ELMO1: variants seen among roughly 807,000 people sequenced by gnomAD.
ELMO1 encodes engulfment and cell motility protein 1.
A neutral mutation model predicts 98.9 loss-of-function variants in ELMO1; 26 were observed. The ratio of observed to expected loss-of-function variants is 0.26; its 90% CI spans 0.19 to 0.36. ELMO1 has a LOEUF of 0.36. ELMO1 is among the 10% of genes least tolerant of loss of function. The probability of loss-of-function intolerance (pLI) is 1.00; values close to 1 mark genes in which losing one functional copy is unlikely to be tolerated. For synonymous variants in ELMO1, 346 were observed against 346.0 expected (o/e 1.00, Z 0.00); for missense variants, 627 against 935.2 (o/e 0.67, Z 4.30).
chr7:37,364,395 T>G (rs1010013917), intron 1 of ELMO1, among the ~76,000 whole-genome samples: 1 of 152,226 alleles, frequency 6.6e-6, no homozygotes, highest in Non-Finnish European at 1.5e-5. Context: ...TGAAACATAT[T>G]TATTCTTAAA....
chr7:37,206,495 A>T (rs1792630459), intron 13 of ELMO1, among the ~76,000 whole-genome samples: 1 of 152,234 alleles, frequency 6.6e-6, no homozygotes, highest in African/African-American at 2.4e-5. Flanking sequence ...ATAGAGAAGG[A>T]AAAATATAAA....
At chr7:36,889,816 CT>C (rs1048909562) in intron 17 of ELMO1, among the ~76,000 whole-genome samples, 10 of 151,404 alleles carry the variant, frequency 6.6e-5, no homozygotes, top group African/African-American at 2.4e-4. Context: ...TTACTCCCCG[CT>C]TTTTTTTTGT....
At chr7:36,884,882 T>C (rs1804803944) in intron 18 of ELMO1, among the ~76,000 whole-genome samples, 1 of 152,252 alleles carries the variant, frequency 6.6e-6, no homozygotes, top group Non-Finnish European at 1.5e-5. Context: ...GGGAGTATGG[T>C]GCTGGCTCCT....
At chr7:37,190,693 T>C (rs1354866346) in intron 13 of ELMO1, among the ~76,000 whole-genome samples, 4 of 151,946 alleles carry the variant, frequency 2.6e-5, no homozygotes, top group Non-Finnish European at 5.9e-5. Context: ...AGAGATGAAG[T>C]TTCACCATGT....
chr7:37,031,835 T>C (rs1156994541), intron 15 of ELMO1, among the ~76,000 whole-genome samples: 1 of 152,198 alleles, frequency 6.6e-6, no homozygotes, highest in Admixed American at 6.5e-5. Context: ...ATTGAAATAT[T>C]GCACTGAAAT....
chr7:37,405,523 G>A (rs1292575047), intron 1 of ELMO1, among the ~76,000 whole-genome samples: 8 of 152,146 alleles, frequency 5.3e-5, no homozygotes, highest in South Asian at 4.1e-4. Context: ...GCACAGAATC[G>A]CAAATGTTAT....
chr7:37,090,296 G>A (rs562944118), intron 15 of ELMO1, among the ~76,000 whole-genome samples: 42 of 152,320 alleles, frequency 2.8e-4, no homozygotes, highest in South Asian at 6.2e-4. Flanking sequence ...ATTAGGCCAG[G>A]ACTGGGGTGA....
chr7:37,445,120 C>T (rs970204946), intron 1 of ELMO1, among the ~76,000 whole-genome samples: 6 of 152,346 alleles, frequency 3.9e-5, no homozygotes, highest in Admixed American at 3.9e-4. Flanking sequence ...TCTTCTCTTT[C>T]ACATTTTAAA....
chr7:37,102,807 C>A (rs1784708743), intron 14 of ELMO1, among the ~76,000 whole-genome samples: 1 of 152,188 alleles, frequency 6.6e-6, no homozygotes, highest in South Asian at 2.1e-4. Context: ...GATGGCCTAA[C>A]CCCAAAGCAC....
intron 1 of ELMO1, among the ~76,000 whole-genome samples, chr7:37,391,077 T>C: frequency 7.0e-6 from 1 of 143,178 alleles, no homozygotes; most frequent in African/African-American, 2.6e-5. Flanking sequence ...CCTCCCTCTC[T>C]CCCTCCCTCT....
intron 4 of ELMO1, among the ~76,000 whole-genome samples, chr7:37,293,719 A>AT: frequency 9.9e-6 from 1 of 100,724 alleles, no homozygotes; most frequent in African/African-American, 3.1e-5. Context: ...GATCAATAAA[A>AT]AAAAAAATAA....
chr7:37,149,571 A>C (rs1202177619), intron 13 of ELMO1, among the ~76,000 whole-genome samples: 2 of 152,266 alleles, frequency 1.3e-5, no homozygotes, highest in Non-Finnish European at 2.9e-5. Context: ...ATTGGAACTC[A>C]GTCATACTTA....
chr7:36,883,099 C>T (rs575908582), intron 18 of ELMO1, among the ~76,000 whole-genome samples: 3 of 152,310 alleles, frequency 2.0e-5, no homozygotes, highest in South Asian at 4.1e-4. Context: ...AGGGGGCCTC[C>T]AGAGCAACGT....
chr7:37,233,374 T>C (rs1794288652), intron 7 of ELMO1, among the ~76,000 whole-genome samples, 180 bp from the exon 8 acceptor site: 1 of 151,090 alleles, frequency 6.6e-6, no homozygotes, highest in South Asian at 2.1e-4. Context: ...ACGGCCTTGA[T>C]GAGGTTGGGC....
At chr7:37,244,213 C>A in intron 7 of ELMO1, 143 bp downstream of exon 7, 2 of 908,672 alleles carry the variant, frequency 2.2e-6, no homozygotes, top group Non-Finnish European at 3.2e-6. Flanking sequence ...AAAAGAACAT[C>A]AAATAGAAAA....
At chr7:37,233,347 T>C (rs1316190040) in intron 7 of ELMO1, among the ~76,000 whole-genome samples, 153 bp from the exon 8 acceptor site, 2 of 151,652 alleles carry the variant, frequency 1.3e-5, no homozygotes, top group African/African-American at 2.4e-5. Flanking sequence ...CTAACATGAG[T>C]GACATGAAGG....
intron 10 of ELMO1, among the ~76,000 whole-genome samples, chr7:37,222,097 G>A (rs926508956): frequency 3.3e-5 from 5 of 152,146 alleles, no homozygotes; most frequent in African/African-American, 7.2e-5. Context: ...TCTGACATAC[G>A]AATGCAGTTA....
intron 6 of ELMO1, among the ~76,000 whole-genome samples, chr7:37,244,693 C>G (rs931401586): frequency 3.9e-5 from 6 of 152,022 alleles, no homozygotes; most frequent in African/African-American, 1.4e-4. Context: ...TTCAATGGAG[C>G]GGGGTGGGGT....
chr7:37,133,592 G>C (rs1787067661), intron 13 of ELMO1, among the ~76,000 whole-genome samples: 1 of 152,096 alleles, frequency 6.6e-6, no homozygotes. Context: ...AAAAAAACTG[G>C]GATAAAGCCA....
Sources: gnomAD v4.1 joint callset for allele counts (sites outside exome capture counted in the v4.1 genomes callset) on GRCh38, gnomAD v4.1.1 for gene constraint, MANE v1.5 for transcripts, NCBI Gene and HGNC (gene_info 2026-07-23, HGNC 2026-07-21) for gene names.